The following STUM variants were observed in gnomAD, a reference collection of about 807,000 sequenced individuals.
STUM encodes the protein stum, mechanosensory transduction mediator homolog, also known as protein stum homolog.
In STUM, 8 loss-of-function variants were observed where a neutral mutation model predicts 15.3. That is an observed-to-expected ratio of 0.52 (90% CI 0.31 to 0.94). The LOEUF is 0.94. Ranked by LOEUF, STUM falls within the 40% of genes least tolerant of loss-of-function variation. The probability of loss-of-function intolerance (pLI) is 0.05; values close to 1 mark genes in which losing one functional copy is unlikely to be tolerated. For missense variants in STUM, 142 were observed against 204.9 expected (o/e 0.69, Z 1.87); for synonymous variants, 78 against 88.7 (o/e 0.88, Z 0.68).
At chr1:226,563,010 G>C in intron 1 of STUM, among the ~76,000 whole-genome samples, 1 of 152,170 alleles carries the variant, frequency 6.6e-6, no homozygotes, top group African/African-American at 2.4e-5. Context: ...GGTTCAGAAA[G>C]AAACAAATAA....
At chr1:226,563,790 C>T (rs570808690) in intron 1 of STUM, among the ~76,000 whole-genome samples, 2 of 152,352 alleles carry the variant, frequency 1.3e-5, no homozygotes, top group East Asian at 3.9e-4. Flanking sequence ...AGAGAACTGC[C>T]CCTTTGCCTT....
intron 1 of STUM, among the ~76,000 whole-genome samples, chr1:226,586,203 C>T (rs149578338): frequency 1.5e-3 from 222 of 152,326 alleles, no homozygotes; most frequent in African/African-American, 4.8e-3. Flanking sequence ...TTCTCCCACA[C>T]GCCCAGTGTG....
rs904086303 is a variant in STUM at position 226,604,264 on chromosome 1, G to A, written c.*2224G>A. ...TAGTGACACAATCCAGATGCAGGTG[G>A]GACTTTCTTGAGTGGCAGGTGTCAC... On this transcript the variant is annotated 3_prime_UTR_variant, in exon 4 of 4. Coordinates refer to ENST00000366788, the MANE Select transcript of STUM (RefSeq NM_001003665.4). This position sits in a 1 kb window ranked among gnomAD's most constrained non-coding sequence, Gnocchi z 4.7. 1.3e-5 allele frequency: 2 copies of A among 152,260 alleles called. No homozygotes were observed. Among genetic ancestry groups the A allele is most frequent in the Non-Finnish European group, 2.9e-5 (2 of 68,098 alleles). 9.4% of individuals were successfully genotyped at this position (152,260 alleles called of 1,614,324 possible). A position where few individuals can be genotyped will look rare whatever the true frequency, so the allele number is the denominator to read the frequency against.
rs1484485522 is a variant in STUM, at chr1:226,549,348, A to G, written c.202+242A>G. Among the ~76,000 whole-genome samples, 2 of 152,130 alleles carry G rather than the reference A, an allele frequency of 1.3e-5. No individual in the cohort carries two copies. The highest frequency in any genetic ancestry group is 2.9e-5 in the Non-Finnish European group (2 of 68,008). On this transcript the variant is annotated intron_variant, in intron 1 of 3. Coordinates refer to ENST00000366788, the MANE Select transcript of STUM (RefSeq NM_001003665.4). This position sits in a 1 kb window ranked among gnomAD's most constrained non-coding sequence, Gnocchi z 6.8. ...CAGGCGGGGCCCCAAAGAGCCGGAA[A>G]CTTTGCGGCCAATGTTGGAGCCCGC...
At chr1:226,569,393 T>C (rs1667671169) in intron 1 of STUM, among the ~76,000 whole-genome samples, 2 of 152,152 alleles carry the variant, frequency 1.3e-5, no homozygotes, top group African/African-American at 4.8e-5. Flanking sequence ...CACTAGGCTG[T>C]GAGCCTGTTG....
chr1:226,577,634 C>G (rs1394265238), intron 1 of STUM, among the ~76,000 whole-genome samples: 1 of 152,184 alleles, frequency 6.6e-6, no homozygotes, highest in Non-Finnish European at 1.5e-5. Flanking sequence ...AAGCTGAGAG[C>G]CCCTCGGGCC....
chr1:226,574,293 T>C (rs1667768483), intron 1 of STUM, among the ~76,000 whole-genome samples: 2 of 152,362 alleles, frequency 1.3e-5, no homozygotes, highest in South Asian at 4.1e-4. Context: ...TCTGTTTCTG[T>C]GTATTTGACT....
At chr1:226,577,320 T>C (rs1667833259) in intron 1 of STUM, among the ~76,000 whole-genome samples, 1 of 151,310 alleles carries the variant, frequency 6.6e-6, no homozygotes, top group South Asian at 2.1e-4. Context: ...TTCTAGTAAA[T>C]AGGAAAGCAA....
intron 1 of STUM, among the ~76,000 whole-genome samples, chr1:226,568,330 C>G (rs555695901): frequency 6.6e-6 from 1 of 152,148 alleles, no homozygotes; most frequent in African/African-American, 2.4e-5. Context: ...TCAGGGCTGC[C>G]GTCAACCCTA....
In STUM at chr1:226,608,616, A is replaced by G. The variant is rs1310763793; in HGVS notation, c.*6576A>G. 6.6e-6 allele frequency: 1 copy of G among 152,106 alleles called. No individual in the cohort carries two copies. Among genetic ancestry groups the G allele is most frequent in the Non-Finnish European group, 1.5e-5 (1 of 68,030 alleles). 9.4% of individuals were successfully genotyped at this position (152,106 alleles called of 1,614,324 possible). A position where few individuals can be genotyped will look rare whatever the true frequency, so the allele number is the denominator to read the frequency against. On this transcript the variant is annotated 3_prime_UTR_variant, in exon 4 of 4. Transcript: ENST00000366788. The surrounding 1 kb of genome is among the most constrained non-coding windows in gnomAD (Gnocchi z 4.0). ...TGCTGTGCGTTTTCACTGTTCTTAG[A>G]GAAGACCCTGAGCTCCTGGGGTTTT...
chr1:226,601,744 C>T (rs764639077), intron 3 of STUM, among the ~76,000 whole-genome samples: 15 of 152,198 alleles, frequency 9.9e-5, no homozygotes, highest in Non-Finnish European at 1.9e-4. Flanking sequence ...AGGAGCATGT[C>T]GATAGCCTTT....
chr1:226,581,534 G>A (rs890954586), intron 1 of STUM, among the ~76,000 whole-genome samples: 2 of 152,180 alleles, frequency 1.3e-5, no homozygotes, highest in Non-Finnish European at 2.9e-5. Context: ...GGGCAAGAGT[G>A]TATGAGCTTA....
chr1:226,597,118 T>C (rs1668195094), intron 2 of STUM, 137 bp downstream of exon 2: 1 of 820,322 alleles, frequency 1.2e-6, no homozygotes, highest in Admixed American at 2.1e-5. Flanking sequence ...GCCCGTGTCC[T>C]CTTCACAACT....
chr1:226,577,201 C>T (rs1156347902), intron 1 of STUM, among the ~76,000 whole-genome samples: 1 of 152,240 alleles, frequency 6.6e-6, no homozygotes, highest in African/African-American at 2.4e-5. Flanking sequence ...TTCTTAACCT[C>T]TTGGCTGTGC....
rs7540952 is a variant in STUM, at chr1:226,556,477, G to A, written c.202+7371G>A. On this transcript the variant is annotated intron_variant, in intron 1 of 3. Coordinates refer to ENST00000366788, the MANE Select transcript of STUM (RefSeq NM_001003665.4). ...ATCCAGTCTGCAGTGGTTAGGCAAT[G>A]CTTTCCTGGCAAACTTGGCCATCGG... is the stretch of plus-strand genomic sequence containing the variant. 8.7e-3 allele frequency among the ~76,000 whole-genome samples: 1,331 copies of A among 152,332 alleles called. 12 individuals carry two copies. Among genetic ancestry groups the A allele is most frequent in the South Asian group, 0.021 (100 of 4,826 alleles).
At position 226,596,739 on chromosome 1, in the gene STUM, G is replaced by C. The variant is rs1039801570; in HGVS notation, c.203-63G>C. 4 of 1,468,902 alleles carry C rather than the reference G, an allele frequency of 2.7e-6. No homozygotes were observed. In the South Asian group the frequency reaches 4.8e-5, roughly 17 times the overall value. The allele number at this position is 1,468,902 out of a possible 1,614,324, so 91.0% of individuals were successfully genotyped here. A position where few individuals can be genotyped will look rare whatever the true frequency, so the allele number is the denominator to read the frequency against. ...GACAGCTGGGCCCCAGGCCAGCAAT[G>C]AGCACACAGACCCCTTTGTCTCCCA... is the stretch of plus-strand genomic sequence containing the variant. On this transcript the variant is annotated intron_variant, in intron 1 of 3. Coordinates refer to ENST00000366788, the MANE Select transcript of STUM (RefSeq NM_001003665.4).
Position 226,549,161 on chromosome 1 carries a change from G to C in STUM, c.202+55G>C, listed in dbSNP as rs537323605. 12 of 1,479,216 alleles carry C rather than the reference G, an allele frequency of 8.1e-6. No individual in the cohort carries two copies. Among genetic ancestry groups the C allele is most frequent in the Admixed American group, 2.2e-5 (1 of 45,502 alleles). 91.6% of individuals were successfully genotyped at this position (1,479,216 alleles called of 1,614,324 possible). A position where few individuals can be genotyped will look rare whatever the true frequency, so the allele number is the denominator to read the frequency against. On this transcript the variant is annotated intron_variant, in intron 1 of 3. Coordinates refer to ENST00000366788, the MANE Select transcript of STUM (RefSeq NM_001003665.4). This position sits in a 1 kb window ranked among gnomAD's most constrained non-coding sequence, Gnocchi z 6.8. ...CCCCCACCCCGCCGCGGGAGGGCGT[G>C]GGGGGAGAGAAGGGCGCGGCCGGAG...
chr1:226,599,208 C>T (rs1009795030), intron 2 of STUM, among the ~76,000 whole-genome samples: 3 of 152,142 alleles, frequency 2.0e-5, no homozygotes, highest in African/African-American at 7.2e-5. Flanking sequence ...CACAGCCAAA[C>T]CATATCAGGG....
chr1:226,569,295 T>A (rs577171869), intron 1 of STUM, among the ~76,000 whole-genome samples: 1 of 152,316 alleles, frequency 6.6e-6, no homozygotes, highest in South Asian at 2.1e-4. Context: ...TTGTCCTTAT[T>A]ATTATTATCC....
Sources: allele counts gnomAD v4.1 joint callset (sites outside exome capture counted in the v4.1 genomes callset), GRCh38; gene constraint gnomAD v4.1.1; non-coding constraint Gnocchi (gnomAD v3.1); transcripts MANE v1.5; gene names NCBI Gene and HGNC (gene_info 2026-07-23, HGNC 2026-07-21).